Variants in MAST3 observed in about 807,000 individuals in gnomAD.
The protein encoded by MAST3 is microtubule associated serine/threonine kinase 3.
In MAST3, 43 loss-of-function variants were observed where a neutral mutation model predicts 127.0. The ratio of observed to expected loss-of-function variants is 0.34; its 90% CI spans 0.27 to 0.44. The LOEUF (loss-of-function observed/expected upper bound fraction) is 0.44. Ranked by LOEUF, MAST3 falls within the 20% of genes least tolerant of loss-of-function variation. The pLI, the probability that MAST3 is intolerant of heterozygous loss-of-function variation, is 1.00. For synonymous variants in MAST3, 785 were observed against 809.2 expected (o/e 0.97, Z 0.51); for missense variants, 1,390 against 1,919.1 (o/e 0.72, Z 5.15).
At chr19:18,117,459 G>T (rs2039409094) in intron 3 of MAST3, among the ~76,000 whole-genome samples, 1 of 152,314 alleles carries the variant, frequency 6.6e-6, no homozygotes, top group Non-Finnish European at 1.5e-5. Flanking sequence ...GACTCAATTT[G>T]CCAAACACAC....
chr19:18,098,445 C>A (rs2037206489), intron 1 of MAST3, among the ~76,000 whole-genome samples: 1 of 152,116 alleles, frequency 6.6e-6, no homozygotes, highest in South Asian at 2.1e-4. Context: ...GGGGAGGGCA[C>A]CCTTGCTTCT....
At position 18,144,758 on chromosome 19, in the gene MAST3, C is replaced by A; in HGVS notation, c.2812+65C>A. On this transcript the variant is annotated intron_variant, in intron 23 of 27. Transcript: ENST00000687212. This position sits in a 1 kb window ranked among gnomAD's most constrained non-coding sequence, Gnocchi z 4.0. ...CCATTTTCACCAACAGGGTGGGGGC[C>A]CTTCCTGAGTTGGGGAGGCTGGGGA... The A allele has an allele frequency of 6.4e-7, 1 of 1,555,412 alleles. No homozygotes were observed. Among genetic ancestry groups the A allele is most frequent in the Non-Finnish European group, 8.8e-7 (1 of 1,140,578 alleles).
At chr19:18,104,627 G>C (rs1258678127) in intron 1 of MAST3, among the ~76,000 whole-genome samples, 4 of 151,964 alleles carry the variant, frequency 2.6e-5, no homozygotes, top group African/African-American at 9.7e-5. Context: ...AAAAATAGTC[G>C]TGTGTCCCCA....
chr19:18,132,056 A>G lies in MAST3; in HGVS notation c.1571+9A>G. 6.2e-7 allele frequency: 1 copy of G among 1,613,876 alleles called. No individual in the cohort carries two copies. Among genetic ancestry groups the G allele is most frequent in the Non-Finnish European group, 8.5e-7 (1 of 1,179,866 alleles). Reference sequence around the variant, plus strand: ...GACCTCAAACCAGACAAGTGAGCTGAGCTAGCATGAGCGGGGCCTCGCGGA... The same window carrying G: ...GACCTCAAACCAGACAAGTGAGCTGGGCTAGCATGAGCGGGGCCTCGCGGA... On this transcript the variant is annotated intron_variant, in intron 15 of 27. Transcript: ENST00000687212.
At chr19:18,118,128 C>G (rs1568560024) in intron 3 of MAST3, 12 of 985,198 alleles carry the variant, frequency 1.2e-5, no homozygotes, top group Non-Finnish European at 1.4e-5. Context: ...CCTCCCTTCC[C>G]GGCCTCGGGC....
intron 3 of MAST3, chr19:18,118,036 C>T (rs1437743311): frequency 5.7e-6 from 5 of 879,530 alleles, no homozygotes; most frequent in Middle Eastern, 5.7e-4. Context: ...TCCTTCTCGC[C>T]GCCCCCCCAT....
At chr19:18,109,899 G>T (rs140082226) in intron 2 of MAST3, 20,126 of 973,240 alleles carry the variant, frequency 0.021, 283 homozygotes, top group Admixed American at 0.078. Context: ...CAGGGCCGGG[G>T]CGAGGGCAGA....
intron 3 of MAST3, among the ~76,000 whole-genome samples, chr19:18,111,701 A>G (rs1181485417): frequency 5.3e-5 from 8 of 151,772 alleles, no homozygotes; most frequent in African/African-American, 1.9e-4. Context: ...CATCCAGCTA[A>G]TTTTTGTATT....
At chr19:18,099,542 A>G (rs1459314993) in intron 1 of MAST3, among the ~76,000 whole-genome samples, 1 of 152,158 alleles carries the variant, frequency 6.6e-6, no homozygotes, top group Non-Finnish European at 1.5e-5. Flanking sequence ...GTTCTATGTT[A>G]CAAAAGGGGA....
At chr19:18,100,377 C>T (rs2037491950) in intron 1 of MAST3, among the ~76,000 whole-genome samples, 1 of 151,926 alleles carries the variant, frequency 6.6e-6, no homozygotes, top group Non-Finnish European at 1.5e-5. Context: ...CCGCCCACCT[C>T]GGCCTCCCAA....
In MAST3 at chr19:18,123,343, C is replaced by G. The variant is rs1169071050; in HGVS notation, c.526C>G (p.Pro176Ala). 1.2e-6 allele frequency: 2 copies of G among 1,613,036 alleles called. No individual in the cohort carries two copies. The highest frequency in any genetic ancestry group is 1.7e-6 in the Non-Finnish European group (2 of 1,179,804). The stretch of plus-strand genomic sequence containing the variant: ...GCTTGATGAGGAAGGCGGCCGGTCA[C>G]CCCGCCTCCGACCCCGCTCTCGCAG... ...NVLDEEGGRS[P>A]RLRPRSRSLS... The change falls in exon 7 of 28, where the codon CCC becomes GCC. Residue 176 changes from proline to alanine, a missense_variant. Pro to Ala is a conservative substitution (Grantham distance 27). Around this residue, in one of 5 missense-constraint regions of MAST3, gnomAD observed 277 missense variants for 384.8 expected, o/e 0.72. Transcript: ENST00000687212.
At chr19:18,131,056 G>A (rs1386815399) in intron 14 of MAST3, among the ~76,000 whole-genome samples, 2 of 152,210 alleles carry the variant, frequency 1.3e-5, no homozygotes, top group African/African-American at 4.8e-5. Context: ...GCGAGAGAGC[G>A]AACATGCACT....
rs371122153 is a variant in MAST3, at chr19:18,115,701, C to T, written c.161+4960C>T. ...TCCCCTCCCAGACACCGTCCCAGAC[C>T]CTTACTGGCCTCCTGCTACCTTCAT... On this transcript the variant is annotated intron_variant, in intron 3 of 27. Transcript: ENST00000687212. Among the ~76,000 whole-genome samples the T allele has an allele frequency of 1.5e-4, 23 of 152,180 alleles. No homozygotes were observed. The East Asian group carries it at 2.5e-3, about 17-fold the overall frequency.
intron 14 of MAST3, 116 bp from the exon 15 acceptor site, chr19:18,131,793 G>A: frequency 8.6e-7 from 1 of 1,156,484 alleles, no homozygotes; most frequent in South Asian, 1.3e-5. Flanking sequence ...GAACAAACTG[G>A]GGACCTTTTG....
rs1204610300 is a variant in MAST3 at position 18,145,711 on chromosome 19, C to T, written c.3040-32C>T. On this transcript the variant is annotated intron_variant, in intron 24 of 27. Coordinates refer to ENST00000687212, the MANE Select transcript of MAST3 (RefSeq NM_001393504.1). This position sits in a 1 kb window ranked among gnomAD's most constrained non-coding sequence, Gnocchi z 5.9. ...GGGGTCCCCAGATGTGGGGCCCAGG[C>T]CATTGACCCCACCGTTCTCGTCTGC... The T allele has an allele frequency of 1.9e-6, 3 of 1,548,984 alleles. No individual in the cohort carries two copies. In the South Asian group the frequency reaches 3.7e-5, roughly 19 times the overall value.
chr19:18,129,034 C>T, intron 13 of MAST3, 83 bp downstream of exon 13: 4 of 1,188,448 alleles, frequency 3.4e-6, no homozygotes, highest in Non-Finnish European at 5.0e-6. Context: ...GCATCCCCCT[C>T]CTACCCCAGC....
chr19:18,148,178 G>T (rs186795046), intron 27 of MAST3, among the ~76,000 whole-genome samples: 41 of 152,280 alleles, frequency 2.7e-4, no homozygotes, highest in African/African-American at 9.1e-4. Context: ...GCACATGCCT[G>T]TAGTCCCAGC....
At chr19:18,101,899 T>A (rs2037660698) in intron 1 of MAST3, among the ~76,000 whole-genome samples, 1 of 138,012 alleles carries the variant, frequency 7.2e-6, no homozygotes. Flanking sequence ...TTTTTTTTTT[T>A]TTTTTTGAGA....
chr19:18,122,804 G>C, intron 6 of MAST3, 53 bp downstream of exon 6: 1 of 1,545,844 alleles, frequency 6.5e-7, no homozygotes, highest in Non-Finnish European at 8.9e-7. Flanking sequence ...GGTTGTGGGG[G>C]GACACATCTT....
Sources: gnomAD v4.1 joint callset for allele counts (sites outside exome capture counted in the v4.1 genomes callset) on GRCh38, gnomAD v4.1.1 for gene constraint, gnomAD v4.1.1 regional missense constraint, Gnocchi (gnomAD v3.1) non-coding constraint, MANE v1.5 for transcripts, NCBI Gene and HGNC (gene_info 2026-07-23, HGNC 2026-07-21) for gene names.